The following SPTB variants were observed in gnomAD, a reference collection of about 807,000 sequenced individuals.
SPTB encodes spectrin beta chain, erythrocytic.
In SPTB, 45 loss-of-function variants were observed where a neutral mutation model predicts 256.2. That is an observed-to-expected ratio of 0.18 (90% confidence interval 0.14 to 0.23). The LOEUF is 0.23. SPTB is among the 10% of genes least tolerant of loss of function. SPTB has a pLI of 1.00. For synonymous variants in SPTB, 1,231 were observed against 1,243.1 expected (o/e 0.99, Z 0.21); for missense variants, 2,715 against 3,040.4 (o/e 0.89, Z 2.52).
chr14:64,813,470 C>G (rs2083128488), intron 2 of SPTB, among the ~76,000 whole-genome samples: 1 of 152,104 alleles, frequency 6.6e-6, no homozygotes, highest in South Asian at 2.1e-4. Flanking sequence ...GCCAGGAAGC[C>G]AAGAGCTTGG....
intron 2 of SPTB, among the ~76,000 whole-genome samples, chr14:64,820,649 A>G (rs914823238): frequency 6.6e-6 from 1 of 152,190 alleles, no homozygotes. Flanking sequence ...AGCCAAGGTC[A>G]GCAAAGGCTC....
chr14:64,753,744 G>C lies in SPTB; in HGVS notation c.6395C>G (p.Pro2132Arg). ...WPQNLQQPPPPGQHKDGQKST... is the reference protein window; with the variant it reads ...WPQNLQQPPPRGQHKDGQKST... ...TTTCTGCCCATCCTTGTGCTGACCC[G>C]GCGGTGGTGGCTGCTGCAGGTTCTG... Residue 2132 changes from proline to arginine, a missense_variant, in exon 33 of 36, where the codon CCG becomes CGG. This residue lies in a region of SPTB where 2,239 missense variants were observed against 2,384.4 expected (regional missense o/e 0.94). Coordinates refer to ENST00000644917, the MANE Select transcript of SPTB (RefSeq NM_001355436.2). 2.5e-6 allele frequency: 4 copies of C among 1,613,644 alleles called. No individual in the cohort carries two copies. The highest frequency in any genetic ancestry group is 3.4e-6 in the Non-Finnish European group (4 of 1,180,012).
chr14:64,831,775 A>C (rs1342322109), intron 1 of SPTB, among the ~76,000 whole-genome samples: 1 of 152,260 alleles, frequency 6.6e-6, no homozygotes, highest in African/African-American at 2.4e-5. Context: ...GGTAAAATGC[A>C]GTGAATGAAC....
chr14:64,794,136 A>T (rs182319289), intron 13 of SPTB, among the ~76,000 whole-genome samples: 27 of 152,310 alleles, frequency 1.8e-4, no homozygotes, highest in Admixed American at 7.2e-4. Context: ...TAAATTAATT[A>T]AAAAAATTTC....
chr14:64,760,346 C>G lies in SPTB; in HGVS notation c.6345+6380G>C, dbSNP rs573680607. The stretch of plus-strand genomic sequence containing the variant: ...GGCCAAAGGAGGTGAAGGTGTATGT[C>G]CAGGCTCAACCAGCAGGTGGCGCGG... On this transcript the variant is annotated intron_variant, in intron 32 of 35. Coordinates refer to ENST00000644917, the MANE Select transcript of SPTB (RefSeq NM_001355436.2). This position sits in a 1 kb window ranked among gnomAD's most constrained non-coding sequence, Gnocchi z 4.3. Among the ~76,000 whole-genome samples the G allele has an allele frequency of 2.6e-5, 4 of 152,134 alleles. No individual in the cohort carries two copies. The East Asian group carries it at 5.8e-4, about 22-fold the overall frequency.
intron 2 of SPTB, 101 bp downstream of exon 2, chr14:64,822,846 G>C: frequency 1.3e-6 from 2 of 1,551,994 alleles, no homozygotes; most frequent in Non-Finnish European, 1.8e-6. Context: ...TGCCATGCCA[G>C]GGCTCACCCA....
intron 7 of SPTB, among the ~76,000 whole-genome samples, 153 bp downstream of exon 7, chr14:64,801,132 C>A (rs1453406027): frequency 6.6e-6 from 1 of 152,248 alleles, no homozygotes; most frequent in African/African-American, 2.4e-5. Context: ...AGGCCCAGAT[C>A]AGAGCCTGGC....
chr14:64,786,879 T>A lies in SPTB; in HGVS notation c.3086A>T (p.Lys1029Met). 1 of 1,613,020 alleles carries A rather than the reference T, an allele frequency of 6.2e-7. No individual in the cohort carries two copies. Among genetic ancestry groups the A allele is most frequent in the Non-Finnish European group, 8.5e-7 (1 of 1,180,030 alleles). Residue 1029 changes from lysine (K) to methionine (M), a missense_variant, in exon 16 of 36, where the codon AAG (lysine) becomes ATG (methionine). Physicochemically the swap from Lys to Met is moderately conservative, Grantham distance 95. Transcript: ENST00000644917. The surrounding 1 kb of genome is among the most constrained non-coding windows in gnomAD (Gnocchi z 5.6). ...TTTTTGCCGCTGACCAATATCCTCC[T>A]TCTGCTCAGGGTGCGAGTCCATCAG... ...QQLMDSHPEQ[K>M]EDIGQRQKHL...
chr14:64,803,650 C>A lies in SPTB; in HGVS notation c.431G>T (p.Arg144Leu). ...GGTCCAGATGAGGCCCAGGACCAGG[C>A]GGTGGTTGCCATCTACAATGTCGTG... ...GSHDIVDGNHRLVLGLIWTII... is the reference protein window; with the variant it reads ...GSHDIVDGNHLLVLGLIWTII... Residue 144 changes from arginine (R) to leucine (L), a missense_variant, in exon 4 of 36, where the codon CGC becomes CTC. Transcript: ENST00000644917. 6.2e-7 allele frequency: 1 copy of A among 1,614,174 alleles called. No individual in the cohort carries two copies. Among genetic ancestry groups the A allele is most frequent in the Non-Finnish European group, 8.5e-7 (1 of 1,180,036 alleles).
Position 64,823,159 on chromosome 14 carries a change from A to G in SPTB, c.-51-14T>C. ...ATGGAAGGATCCCTGGGGGACAGCAACACAGTCAGAGGGTTATCTCTCTAC... is the reference window on the plus strand; with the variant it reads ...ATGGAAGGATCCCTGGGGGACAGCAGCACAGTCAGAGGGTTATCTCTCTAC... On this transcript the variant is annotated splice_polypyrimidine_tract_variant and intron_variant, in intron 1 of 35. Transcript: ENST00000644917. The surrounding 1 kb of genome is among the most constrained non-coding windows in gnomAD (Gnocchi z 6.5). 6.3e-7 allele frequency: 1 copy of G among 1,598,320 alleles called. No individual in the cohort carries two copies. Among genetic ancestry groups the G allele is most frequent in the South Asian group, 1.1e-5 (1 of 90,678 alleles).
At chr14:64,753,175 G>T (rs185457564) in intron 33 of SPTB, among the ~76,000 whole-genome samples, 1 of 152,290 alleles carries the variant, frequency 6.6e-6, no homozygotes, top group African/African-American at 2.4e-5. Context: ...CTAGCCCTGG[G>T]ATAATAGGAT....
chr14:64,817,860 T>C (rs1003937068), intron 2 of SPTB, among the ~76,000 whole-genome samples: 9 of 152,230 alleles, frequency 5.9e-5, no homozygotes, highest in Admixed American at 4.6e-4. Context: ...CCGAGGAATG[T>C]CTGCCAGCCA....
At chr14:64,791,927 C>T in intron 14 of SPTB, 71 bp from the exon 15 acceptor site, 1 of 1,595,972 alleles carries the variant, frequency 6.3e-7, no homozygotes, top group Non-Finnish European at 8.5e-7. Context: ...GTGGCACCCC[C>T]AGTCTCCAGA....
chr14:64,846,761 G>A (rs1352390678), intron 1 of SPTB, among the ~76,000 whole-genome samples: 1 of 152,158 alleles, frequency 6.6e-6, no homozygotes, highest in Admixed American at 6.5e-5. Flanking sequence ...TTTAAATTGG[G>A]TCTAAATATA....
chr14:64,843,064 C>A (rs1392471420), intron 1 of SPTB, among the ~76,000 whole-genome samples: 3 of 148,982 alleles, frequency 2.0e-5, no homozygotes, highest in African/African-American at 7.4e-5. Context: ...GACCCTGTCT[C>A]AAAAAAAAAG....
In SPTB at chr14:64,870,135, T is replaced by C. The variant is rs2181126; in HGVS notation, c.-52+9657A>G. Among the ~76,000 whole-genome samples the C allele has an allele frequency of 5.3e-5, 8 of 152,014 alleles. No homozygotes were observed. The South Asian group carries it at 1.7e-3, about 32-fold the overall frequency. On this transcript the variant is annotated intron_variant, in intron 1 of 35. Transcript: ENST00000644917. ...TAAGAAAGGAGTGAAAAGGGTACTG[T>C]AAAAATACAAAGGAGGAAGCAATCA...
intron 33 of SPTB, among the ~76,000 whole-genome samples, chr14:64,750,516 T>A (rs2081929043): frequency 6.6e-6 from 1 of 152,046 alleles, no homozygotes; most frequent in Non-Finnish European, 1.5e-5. Context: ...TGGCTAACAC[T>A]TGTAATCCCA....
chr14:64,749,778 C>A lies in SPTB; in HGVS notation c.6777-82G>T. ...GAGGGCTGGCTCTGATCCCACAATA[C>A]CCTGAGCCGAACATCCAGACCCCTC... On this transcript the variant is annotated intron_variant, in intron 34 of 35. Coordinates refer to ENST00000644917, the MANE Select transcript of SPTB (RefSeq NM_001355436.2). The surrounding 1 kb of genome is among the most constrained non-coding windows in gnomAD (Gnocchi z 4.7). The A allele has an allele frequency of 1.3e-6, 2 of 1,560,334 alleles. No individual in the cohort carries two copies. The highest frequency in any genetic ancestry group is 8.7e-7 in the Non-Finnish European group (1 of 1,143,528).
chr14:64,751,944 ATTAGCC>A (rs2081957122), intron 33 of SPTB, among the ~76,000 whole-genome samples: 2 of 132,408 alleles, frequency 1.5e-5, no homozygotes, highest in African/African-American at 2.9e-5. Flanking sequence ...AAAAAAAAAA[ATTAGCC>A]AGGCGTGGTG....
Sources: allele counts gnomAD v4.1 joint callset (sites outside exome capture counted in the v4.1 genomes callset), GRCh38; gene constraint gnomAD v4.1.1; regional missense constraint gnomAD v4.1.1; non-coding constraint Gnocchi (gnomAD v3.1); transcripts MANE v1.5; gene names NCBI Gene and HGNC (gene_info 2026-07-23, HGNC 2026-07-21).